RAP1GAP2: variants seen among roughly 807,000 people sequenced by gnomAD.
The protein encoded by RAP1GAP2 is RAP1 GTPase activating protein 2.
RAP1GAP2 carries 27 observed loss-of-function variants against 95.0 expected under a neutral mutation model. The ratio of observed to expected loss-of-function variants is 0.28; its 90% CI spans 0.21 to 0.39. RAP1GAP2 has a LOEUF of 0.39. Ranked by LOEUF, RAP1GAP2 falls within the 10% of genes least tolerant of loss-of-function variation. The pLI is 1.00. For synonymous variants in RAP1GAP2, 373 were observed against 380.9 expected (o/e 0.98, Z 0.24); for missense variants, 771 against 970.0 (o/e 0.79, Z 2.72).
intron 3 of RAP1GAP2, among the ~76,000 whole-genome samples, chr17:2,912,153 T>C (rs2042407972): frequency 6.6e-6 from 1 of 152,202 alleles, no homozygotes; most frequent in African/African-American, 2.4e-5. Flanking sequence ...AAGGCAGGTG[T>C]GCAGGCTTCC....
At chr17:2,831,658 A>G (rs1005315753) in intron 2 of RAP1GAP2, among the ~76,000 whole-genome samples, 11 of 151,968 alleles carry the variant, frequency 7.2e-5, no homozygotes, top group African/African-American at 2.2e-4. Flanking sequence ...TAGGAGGCCA[A>G]CGTGTGTGGA....
intron 17 of RAP1GAP2, among the ~76,000 whole-genome samples, chr17:3,013,305 C>T (rs1377228972): frequency 2.0e-5 from 3 of 152,218 alleles, no homozygotes; most frequent in Non-Finnish European, 1.5e-5. Context: ...TGGTCTTTGG[C>T]GTCTTTGCCC....
chr17:2,956,924 C>T (rs370360019), intron 3 of RAP1GAP2, among the ~76,000 whole-genome samples: 9 of 152,158 alleles, frequency 5.9e-5, no homozygotes, highest in East Asian at 1.9e-4. Flanking sequence ...GTCAGGAGTT[C>T]GAGACCATCC....
intron 3 of RAP1GAP2, among the ~76,000 whole-genome samples, chr17:2,944,599 A>T (rs28882108): frequency 6.6e-6 from 1 of 152,128 alleles, no homozygotes; most frequent in African/African-American, 2.4e-5. Flanking sequence ...CTCTTTAAGA[A>T]GGTTTTGAGT....
At chr17:2,832,533 G>A (rs955211817) in intron 2 of RAP1GAP2, among the ~76,000 whole-genome samples, 1 of 146,420 alleles carries the variant, frequency 6.8e-6, no homozygotes, top group East Asian at 2.0e-4. Flanking sequence ...ACTCCAGCCT[G>A]GGCGACAGAG....
chr17:3,026,176 C>T (rs199785121), intron 20 of RAP1GAP2, 55 bp downstream of exon 20: 19 of 1,420,052 alleles, frequency 1.3e-5, no homozygotes, highest in African/African-American at 2.8e-5. Flanking sequence ...CCCTGGAACA[C>T]GCCCTCTGCC....
intron 8 of RAP1GAP2, among the ~76,000 whole-genome samples, chr17:2,970,273 C>CAAAAAA (rs869121536): frequency 4.5e-4 from 49 of 109,558 alleles, no homozygotes; most frequent in South Asian, 6.1e-4. Context: ...GACTCTGTCT[C>CAAAAAA]AAAAAAAAAA....
At position 2,797,645 on chromosome 17, in the gene RAP1GAP2, C is replaced by T. The variant is rs1286487242; in HGVS notation, c.44+1074C>T. 4.8e-5 allele frequency: 46 copies of T among 962,518 alleles called. No homozygotes were observed. Among genetic ancestry groups the T allele is most frequent in the Non-Finnish European group, 5.7e-5 (46 of 809,264 alleles). The allele number at this position is 962,518 out of a possible 1,614,324, so 59.6% of individuals were successfully genotyped here. A position where few individuals can be genotyped will look rare whatever the true frequency, so the allele number is the denominator to read the frequency against. ...TCCTCTTCAAAAGCACTTTGCCATC[C>T]ATCCTCTGGCAGGGGGGGACTGTGG... On this transcript the variant is annotated intron_variant, in intron 1 of 24. Transcript: ENST00000254695. The surrounding 1 kb of genome is among the most constrained non-coding windows in gnomAD (Gnocchi z 5.6).
At chr17:2,831,874 G>T (rs1202539807) in intron 2 of RAP1GAP2, among the ~76,000 whole-genome samples, 1 of 152,080 alleles carries the variant, frequency 6.6e-6, no homozygotes, top group East Asian at 1.9e-4. Flanking sequence ...CAGGCTGGGT[G>T]ACAGAGTGAG....
rs116491301 is a variant in RAP1GAP2, at chr17:2,781,971, C to G, written c.-14+4693C>G. ...GTGTGTGCATGTCTCTGTGTGTGCA[C>G]TGTTGTGTGCTCTGGGTTGTTCATG... is the stretch of plus-strand genomic sequence containing the variant. On this transcript the variant is annotated intron_variant, in intron 1 of 24. Transcript: ENST00000540393. Among the ~76,000 whole-genome samples the G allele has an allele frequency of 3.2e-3, 481 of 152,326 alleles. 2 individuals carry two copies. Among genetic ancestry groups the G allele is most frequent in the African/African-American group, 0.011 (450 of 41,582 alleles).
rs961390103 is a variant in RAP1GAP2 at position 3,003,441 on chromosome 17, C to T, written c.1201-1928C>T. On this transcript the variant is annotated intron_variant, in intron 14 of 24. Coordinates refer to ENST00000254695, the MANE Select transcript of RAP1GAP2 (RefSeq NM_015085.5). The surrounding 1 kb of genome is among the most constrained non-coding windows in gnomAD (Gnocchi z 4.1). The stretch of plus-strand genomic sequence containing the variant: ...AGGAATCTCAGGTGAAGCCCACCGC[C>T]GGGGAGGGCCCTGTCTTTGTAGCCC... 5.9e-5 allele frequency among the ~76,000 whole-genome samples: 9 copies of T among 152,154 alleles called. No individual in the cohort carries two copies. The highest frequency in any genetic ancestry group is 3.9e-4 in the East Asian group (2 of 5,186).
chr17:2,827,595 G>A lies in RAP1GAP2; in HGVS notation c.80+27045G>A, dbSNP rs1248512126. Among the ~76,000 whole-genome samples the A allele has an allele frequency of 6.6e-6, 1 of 151,762 alleles. No homozygotes were observed. Among genetic ancestry groups the A allele is most frequent in the Non-Finnish European group, 1.5e-5 (1 of 68,004 alleles). Reference sequence around the variant, plus strand: ...GGCCAAGGCGGGTGGATCACCTGAGGTCAGGGGTTCAAGACCAGCCTGGAT... The same window carrying A: ...GGCCAAGGCGGGTGGATCACCTGAGATCAGGGGTTCAAGACCAGCCTGGAT... On this transcript the variant is annotated intron_variant, in intron 2 of 24. Transcript: ENST00000254695. The surrounding 1 kb of genome is among the most constrained non-coding windows in gnomAD (Gnocchi z 4.1).
chr17:3,009,239 C>T (rs1338407731), intron 17 of RAP1GAP2, among the ~76,000 whole-genome samples: 1 of 152,102 alleles, frequency 6.6e-6, no homozygotes, highest in Non-Finnish European at 1.5e-5. Context: ...TGGAAAAGTC[C>T]AGATTGCCTG....
rs2070633962 is a variant in RAP1GAP2, at chr17:2,827,707, A to G, written c.80+27157A>G. 6.6e-6 allele frequency among the ~76,000 whole-genome samples: 1 copy of G among 151,992 alleles called. No individual in the cohort carries two copies. Among genetic ancestry groups the G allele is most frequent in the South Asian group, 2.1e-4 (1 of 4,818 alleles). On this transcript the variant is annotated intron_variant, in intron 2 of 24. Transcript: ENST00000254695. The surrounding 1 kb of genome is among the most constrained non-coding windows in gnomAD (Gnocchi z 4.1). Reference sequence around the variant, plus strand: ...CCTGTAATCCCCAAGCTCTTCTCCCAGCCCACCCGGCACCAGCCAGTTTGA... The same window carrying G: ...CCTGTAATCCCCAAGCTCTTCTCCCGGCCCACCCGGCACCAGCCAGTTTGA...
At chr17:2,784,410 A>G (rs1033016134) in intron 1 of RAP1GAP2, among the ~76,000 whole-genome samples, 2 of 152,120 alleles carry the variant, frequency 1.3e-5, no homozygotes, top group Non-Finnish European at 2.9e-5. Context: ...AGCTGGGACT[A>G]CAGGTGCCTG....
chr17:2,801,977 G>A (rs561946933), intron 2 of RAP1GAP2, among the ~76,000 whole-genome samples: 2 of 152,172 alleles, frequency 1.3e-5, no homozygotes, highest in Admixed American at 6.6e-5. Context: ...GAGGCAATGA[G>A]TACTGGCTAA....
intron 2 of RAP1GAP2, among the ~76,000 whole-genome samples, chr17:2,861,803 C>T (rs1369138181): frequency 3.9e-5 from 6 of 152,064 alleles, no homozygotes; most frequent in South Asian, 4.1e-4. Flanking sequence ...TACAGGTGCC[C>T]GCCACCATGC....
chr17:3,004,516 TGA>T lies in RAP1GAP2; in HGVS notation c.1201-850_1201-849del, dbSNP rs1269097159. ...CCGAGAGCCTCACAGCCTCGTGGGCTGAGAATAGGTGAAGTCAGGGCACCTCT... is the reference window on the plus strand; with the variant it reads ...CCGAGAGCCTCACAGCCTCGTGGGCTGAATAGGTGAAGTCAGGGCACCTCT... On this transcript the variant is annotated intron_variant, in intron 14 of 24. Coordinates refer to ENST00000254695, the MANE Select transcript of RAP1GAP2 (RefSeq NM_015085.5). This position sits in a 1 kb window ranked among gnomAD's most constrained non-coding sequence, Gnocchi z 4.1. Among the ~76,000 whole-genome samples the T allele has an allele frequency of 6.6e-6, 1 of 152,200 alleles. No homozygotes were observed. Among genetic ancestry groups the T allele is most frequent in the African/African-American group, 2.4e-5 (1 of 41,456 alleles).
intron 16 of RAP1GAP2, among the ~76,000 whole-genome samples, chr17:3,006,513 A>C (rs2046342428): frequency 6.8e-6 from 1 of 147,608 alleles, no homozygotes; most frequent in Non-Finnish European, 1.5e-5. Context: ...GGCTCACTGC[A>C]AGCTCTGCCT....
Sources: allele counts gnomAD v4.1 joint callset (sites outside exome capture counted in the v4.1 genomes callset), GRCh38; gene constraint gnomAD v4.1.1; non-coding constraint Gnocchi (gnomAD v3.1); transcripts MANE v1.5; gene names NCBI Gene and HGNC (gene_info 2026-07-23, HGNC 2026-07-21).